TLL2: variants seen among roughly 807,000 people sequenced by gnomAD.
TLL2 encodes tolloid-like protein 2.
In TLL2, 106 loss-of-function variants were observed where a neutral mutation model predicts 123.0. That is an observed-to-expected ratio of 0.86 (90% confidence interval 0.74 to 1.01). The LOEUF (loss-of-function observed/expected upper bound fraction) is 1.01. Among genes scored for constraint, TLL2 ranks in the 50% least tolerant of loss-of-function variants. The pLI, the probability that TLL2 is intolerant of heterozygous loss-of-function variation, is 0.00. For missense variants in TLL2, 1,332 were observed against 1,336.7 expected (o/e 1.00, Z 0.06); for synonymous variants, 494 against 516.8 (o/e 0.96, Z 0.60).
intron 6 of TLL2, 106 bp from the exon 7 acceptor site, chr10:96,421,167 G>T: frequency 1.3e-6 from 1 of 771,214 alleles, no homozygotes; most frequent in South Asian, 1.5e-5. Flanking sequence ...GGGCTCTCTT[G>T]GCCCAATCAG....
At position 96,480,039 on chromosome 10, in the gene TLL2, A is replaced by G. The variant is rs1181195134; in HGVS notation, c.286+310T>C. Among the ~76,000 whole-genome samples the G allele has an allele frequency of 2.0e-5, 3 of 152,128 alleles. No individual in the cohort carries two copies. In the East Asian group the frequency reaches 5.8e-4, roughly 29 times the overall value. ...TGAGGTGTTATGGTTTTCTGTTTAC[A>G]TTTCACTTGACTCTCCAATCTGGAA... On this transcript the variant is annotated intron_variant, in intron 2 of 20. Transcript: ENST00000357947.
In TLL2 at chr10:96,411,861, C is replaced by T. The variant is rs114341302; in HGVS notation, c.1048+1331G>A. Among the ~76,000 whole-genome samples, 1,086 of 152,230 alleles carry T rather than the reference C, an allele frequency of 7.1e-3. 17 individuals are homozygous for T. Among genetic ancestry groups the T allele is most frequent in the African/African-American group, 0.024 (1,003 of 41,526 alleles). ...ATCGGCCTCAGGAAATCCTGGATGT[C>T]GGGGCTTCAATATCACATTACTGAA... On this transcript the variant is annotated intron_variant, in intron 8 of 20. Coordinates refer to ENST00000357947, the MANE Select transcript of TLL2 (RefSeq NM_012465.4).
chr10:96,445,143 C>T (rs576427794), intron 3 of TLL2, among the ~76,000 whole-genome samples: 36 of 152,252 alleles, frequency 2.4e-4, no homozygotes, highest in Non-Finnish European at 4.9e-4. Context: ...GAGCTGAGAT[C>T]GCACCACTGC....
At chr10:96,382,508 G>A (rs1846195118) in intron 16 of TLL2, among the ~76,000 whole-genome samples, 1 of 152,268 alleles carries the variant, frequency 6.6e-6, no homozygotes, top group African/African-American at 2.4e-5. Flanking sequence ...AATGTGCTAA[G>A]AGGGTGCTAC....
chr10:96,373,939 G>A, intron 18 of TLL2, 130 bp from the exon 19 acceptor site: 1 of 743,148 alleles, frequency 1.3e-6, no homozygotes, highest in Middle Eastern at 3.8e-4. Context: ...TGCAGGGGGT[G>A]TGTGGCCGTG....
At chr10:96,407,445 T>C (rs1846461611) in intron 9 of TLL2, among the ~76,000 whole-genome samples, 1 of 152,192 alleles carries the variant, frequency 6.6e-6, no homozygotes, top group Non-Finnish European at 1.5e-5. Flanking sequence ...GGGAAATACT[T>C]GCCCTCTAGT....
intron 4 of TLL2, among the ~76,000 whole-genome samples, chr10:96,430,620 A>T (rs1846728360): frequency 6.6e-6 from 1 of 152,250 alleles, no homozygotes; most frequent in South Asian, 2.1e-4. Context: ...TCATGTCTGT[A>T]ATCCCAGCAC....
intron 3 of TLL2, among the ~76,000 whole-genome samples, chr10:96,437,336 C>T (rs539684109): frequency 3.9e-5 from 6 of 152,258 alleles, no homozygotes; most frequent in African/African-American, 1.4e-4. Flanking sequence ...AACTACAGTA[C>T]AATAACACAA....
At position 96,422,737 on chromosome 10, in the gene TLL2, T is replaced by C; in HGVS notation, c.639-10A>G. On this transcript the variant is annotated splice_polypyrimidine_tract_variant and intron_variant, in intron 5 of 20. Coordinates refer to ENST00000357947, the MANE Select transcript of TLL2 (RefSeq NM_012465.4). ...AACATAGGAGCAACAGCTGGACAAT[T>C]GCAGGAATACCCAGGTCAGCAGGTC... The C allele has an allele frequency of 6.2e-7, 1 of 1,614,046 alleles. No homozygotes were observed. The highest frequency in any genetic ancestry group is 8.5e-7 in the Non-Finnish European group (1 of 1,180,008).
chr10:96,444,782 G>C (rs946145309), intron 3 of TLL2, among the ~76,000 whole-genome samples: 12 of 152,282 alleles, frequency 7.9e-5, no homozygotes, highest in African/African-American at 2.9e-4. Flanking sequence ...TTACATATAT[G>C]CAAGTATATA....
intron 5 of TLL2, among the ~76,000 whole-genome samples, chr10:96,427,788 G>GTTGTT (rs1328309576): frequency 1.3e-5 from 2 of 151,858 alleles, no homozygotes; most frequent in Non-Finnish European, 2.9e-5. Context: ...TTTTGTTGTT[G>GTTGTT]TTGTTTTGTT....
chr10:96,479,569 A>T (rs564450447), intron 2 of TLL2, among the ~76,000 whole-genome samples: 37 of 152,328 alleles, frequency 2.4e-4, no homozygotes, highest in African/African-American at 7.9e-4. Context: ...CAGCACCCCA[A>T]GGGCACCTGG....
intron 5 of TLL2, among the ~76,000 whole-genome samples, chr10:96,424,018 C>G (rs947273024): frequency 6.6e-5 from 10 of 152,144 alleles, no homozygotes; most frequent in African/African-American, 2.4e-4. Context: ...AGGAATGGAA[C>G]TGGAGATCAT....
chr10:96,512,874 G>A (rs113097516), intron 1 of TLL2, among the ~76,000 whole-genome samples: 52 of 152,290 alleles, frequency 3.4e-4, no homozygotes, highest in African/African-American at 1.2e-3. Context: ...GTCCTGGGGC[G>A]CCGCTTCCTG....
chr10:96,410,385 T>A lies in TLL2; in HGVS notation c.1138A>T (p.Arg380Trp). Residue 380 changes from arginine (R) to tryptophan (W), a missense_variant, in exon 9 of 21, where the codon AGG (arginine) becomes TGG (tryptophan). Coordinates refer to ENST00000357947, the MANE Select transcript of TLL2 (RefSeq NM_012465.4). ...TTTTCCCCTGGGGTGACCGAGATCC[T>A]CCAGACGCAGTGGGAGTAAGATGGG... ...GYPSYSHCVW[R>W]ISVTPGEKIV... 1.9e-6 allele frequency: 3 copies of A among 1,613,548 alleles called. No homozygotes were observed. The highest frequency in any genetic ancestry group is 2.5e-6 in the Non-Finnish European group (3 of 1,179,988).
chr10:96,477,577 G>C (rs1340158985), intron 2 of TLL2, among the ~76,000 whole-genome samples: 1 of 152,110 alleles, frequency 6.6e-6, no homozygotes, highest in African/African-American at 2.4e-5. Flanking sequence ...ATAATAATGA[G>C]GAGGAAGCAG....
chr10:96,490,008 A>G (rs961747525), intron 1 of TLL2, among the ~76,000 whole-genome samples: 3 of 152,118 alleles, frequency 2.0e-5, no homozygotes, highest in African/African-American at 7.2e-5. Flanking sequence ...AGGCAGGAGA[A>G]TCACTTGAAC....
intron 5 of TLL2, among the ~76,000 whole-genome samples, chr10:96,426,544 G>A (rs1219806529): frequency 6.6e-6 from 1 of 152,184 alleles, no homozygotes; most frequent in African/African-American, 2.4e-5. Context: ...CTGGTGCTTT[G>A]TGGGAGATGG....
chr10:96,459,179 T>A (rs1333841207), intron 2 of TLL2, among the ~76,000 whole-genome samples: 4 of 152,216 alleles, frequency 2.6e-5, no homozygotes, highest in Non-Finnish European at 5.9e-5. Context: ...AATGCAATCA[T>A]GACCTAAATT....
Sources: gnomAD v4.1 joint callset for allele counts (sites outside exome capture counted in the v4.1 genomes callset) on GRCh38, gnomAD v4.1.1 for gene constraint, MANE v1.5 for transcripts, NCBI Gene and HGNC (gene_info 2026-07-23, HGNC 2026-07-21) for gene names.